The following CRTC3 variants were observed in gnomAD, a reference collection of about 807,000 sequenced individuals.
CRTC3 encodes the protein CREB-regulated transcription coactivator 3.
In CRTC3, 26 loss-of-function variants were observed where a neutral mutation model predicts 74.5. The observed-to-expected ratio is 0.35, with a 90% CI of 0.26 to 0.48. The LOEUF (loss-of-function observed/expected upper bound fraction) is 0.48. Ranked by LOEUF, CRTC3 falls within the 20% of genes least tolerant of loss-of-function variation. The probability of loss-of-function intolerance (pLI) is 0.99; values close to 1 mark genes in which losing one functional copy is unlikely to be tolerated. For missense variants in CRTC3, 760 were observed against 787.3 expected (o/e 0.97, Z 0.41); for synonymous variants, 377 against 325.8 (o/e 1.16, Z -1.69).
intron 2 of CRTC3, among the ~76,000 whole-genome samples, chr15:90,592,229 T>C (rs998308308): frequency 2.0e-5 from 3 of 152,218 alleles, no homozygotes; most frequent in Non-Finnish European, 4.4e-5. Context: ...TGTGACTCAA[T>C]TGACGTAAAA....
intron 2 of CRTC3, among the ~76,000 whole-genome samples, chr15:90,592,111 TG>T (rs1967814351): frequency 6.6e-6 from 1 of 152,148 alleles, no homozygotes; most frequent in Non-Finnish European, 1.5e-5. Flanking sequence ...AAAACCAAAA[TG>T]AGAAAATCCA....
Position 90,642,184 on chromosome 15 carries a change from A to G in CRTC3, c.*44A>G. 6.4e-7 allele frequency: 1 copy of G among 1,552,988 alleles called. No individual in the cohort carries two copies. The highest frequency in any genetic ancestry group is 8.9e-7 in the Non-Finnish European group (1 of 1,125,840). ...GAAGAATGTTTTTCTGCAACAGCCA[A>G]AATAGAATGGAATAGAATGAAGCCA... On this transcript the variant is annotated 3_prime_UTR_variant, in exon 15 of 15. Transcript: ENST00000268184.
intron 8 of CRTC3, among the ~76,000 whole-genome samples, chr15:90,619,095 C>T (rs755136310): frequency 6.6e-6 from 1 of 152,194 alleles, no homozygotes; most frequent in Non-Finnish European, 1.5e-5. Flanking sequence ...TTTCTTTTTT[C>T]ACCCTGCTTT....
chr15:90,621,437 C>A (rs1596132661), intron 9 of CRTC3, among the ~76,000 whole-genome samples: 2 of 152,286 alleles, frequency 1.3e-5, no homozygotes, highest in East Asian at 3.9e-4. Flanking sequence ...ATTCTCCTAC[C>A]TCAGCCTCCC....
At chr15:90,590,311 T>C (rs1258910329) in intron 2 of CRTC3, among the ~76,000 whole-genome samples, 2 of 151,430 alleles carry the variant, frequency 1.3e-5, no homozygotes, top group Non-Finnish European at 3.0e-5. Context: ...AATAATAAAA[T>C]AAATAAAAGA....
chr15:90,587,206 T>C (rs1257897723), intron 2 of CRTC3, among the ~76,000 whole-genome samples: 1 of 152,214 alleles, frequency 6.6e-6, no homozygotes, highest in Non-Finnish European at 1.5e-5. Context: ...TGCTATGTGA[T>C]AGGTAGGTGT....
At chr15:90,631,382 C>T (rs1167617983) in intron 11 of CRTC3, among the ~76,000 whole-genome samples, 1 of 152,130 alleles carries the variant, frequency 6.6e-6, no homozygotes, top group Non-Finnish European at 1.5e-5. Context: ...GTAAATGTGA[C>T]TACAGGCCCA....
At chr15:90,566,991 G>T (rs1555448027) in intron 2 of CRTC3, among the ~76,000 whole-genome samples, 1 of 152,122 alleles carries the variant, frequency 6.6e-6, no homozygotes, top group Non-Finnish European at 1.5e-5. Context: ...GATTGCAGGT[G>T]TGAGCCACCG....
At chr15:90,543,198 G>A (rs992171412) in intron 2 of CRTC3, among the ~76,000 whole-genome samples, 2 of 148,144 alleles carry the variant, frequency 1.4e-5, no homozygotes, top group Non-Finnish European at 3.0e-5. Flanking sequence ...TTGGGAAGCC[G>A]AAGTGGGAGG....
In CRTC3 at chr15:90,561,567, T is replaced by C. The variant is rs535050240; in HGVS notation, c.231+21430T>C. Among the ~76,000 whole-genome samples the C allele has an allele frequency of 2.2e-4, 33 of 152,298 alleles. 1 individual carries two copies. Among genetic ancestry groups the C allele is most frequent in the African/African-American group, 7.0e-4 (29 of 41,582 alleles). ...GGCAGTGTAGGACCAGGAAAGAAGC[T>C]AGGTCTCTATATTCCCTCGCATTTT... is the stretch of plus-strand genomic sequence containing the variant. On this transcript the variant is annotated intron_variant, in intron 2 of 14. Coordinates refer to ENST00000268184, the MANE Select transcript of CRTC3 (RefSeq NM_022769.5).
At chr15:90,567,267 C>T (rs1967143525) in intron 2 of CRTC3, among the ~76,000 whole-genome samples, 1 of 152,094 alleles carries the variant, frequency 6.6e-6, no homozygotes, top group South Asian at 2.1e-4. Flanking sequence ...CATGTGTTTG[C>T]AGCATGGTTT....
At position 90,642,158 on chromosome 15, in the gene CRTC3, A is replaced by G. The variant is rs755851045; in HGVS notation, c.*18A>G. On this transcript the variant is annotated 3_prime_UTR_variant, in exon 15 of 15. Coordinates refer to ENST00000268184, the MANE Select transcript of CRTC3 (RefSeq NM_022769.5). ...GACTGTGAACAGAAGGCAGTGGAAC[A>G]GAAGAATGTTTTTCTGCAACAGCCA... The G allele has an allele frequency of 7.5e-6, 12 of 1,609,022 alleles. No individual in the cohort carries two copies. In the East Asian group the frequency reaches 2.5e-4, roughly 33 times the overall value.
chr15:90,620,664 T>C (rs954888915), intron 9 of CRTC3, among the ~76,000 whole-genome samples: 11 of 152,084 alleles, frequency 7.2e-5, no homozygotes, highest in African/African-American at 2.7e-4. Context: ...CAAGGAGGCT[T>C]CCTGGGGCTG....
intron 2 of CRTC3, among the ~76,000 whole-genome samples, chr15:90,582,041 G>A (rs145208188): frequency 1.2e-3 from 190 of 152,232 alleles, no homozygotes; most frequent in Non-Finnish European, 2.0e-3. Flanking sequence ...CCACTAGGCC[G>A]GACTCCTGCC....
At chr15:90,606,396 T>C (rs1405573010) in intron 5 of CRTC3, among the ~76,000 whole-genome samples, 1 of 152,078 alleles carries the variant, frequency 6.6e-6, no homozygotes, top group Non-Finnish European at 1.5e-5. Context: ...ACCCCGTCTC[T>C]ACTAAAAATA....
At chr15:90,638,890 C>G in intron 13 of CRTC3, 75 bp downstream of exon 13, 7 of 1,204,994 alleles carry the variant, frequency 5.8e-6, no homozygotes, top group Non-Finnish European at 4.9e-6. Flanking sequence ...CTGTAGAATT[C>G]AGAACTGAGC....
chr15:90,641,496 G>A (rs1233392227), intron 14 of CRTC3, among the ~76,000 whole-genome samples: 12 of 152,048 alleles, frequency 7.9e-5, no homozygotes, highest in African/African-American at 2.9e-4. Context: ...AGGAGATCGA[G>A]ACCATTCTGG....
At chr15:90,556,017 T>C (rs957554439) in intron 2 of CRTC3, among the ~76,000 whole-genome samples, 15 of 152,152 alleles carry the variant, frequency 9.9e-5, no homozygotes, top group Admixed American at 1.3e-4. Flanking sequence ...ATTACCATTT[T>C]AATGTTAAGT....
In CRTC3 at chr15:90,543,463, T is replaced by G. The variant is rs550018715; in HGVS notation, c.231+3326T>G. 5.8e-4 allele frequency among the ~76,000 whole-genome samples: 88 copies of G among 152,294 alleles called. 2 individuals are homozygous for G. Among genetic ancestry groups the G allele is most frequent in the Middle Eastern group, 6.8e-3 (2 of 294 alleles). On this transcript the variant is annotated intron_variant, in intron 2 of 14. Coordinates refer to ENST00000268184, the MANE Select transcript of CRTC3 (RefSeq NM_022769.5). ...CATTTTTTATCTCTCGGTATATGGT[T>G]TTATGATTTTCTATTTTATTCAATC...
Sources: gnomAD v4.1 joint callset for allele counts (sites outside exome capture counted in the v4.1 genomes callset) on GRCh38, gnomAD v4.1.1 for gene constraint, MANE v1.5 for transcripts, NCBI Gene and HGNC (gene_info 2026-07-23, HGNC 2026-07-21) for gene names.